The following LAMB4 variants were observed in gnomAD, a reference collection of about 807,000 sequenced individuals.
The protein encoded by LAMB4 is laminin subunit beta-4.
Under a neutral mutation model 199.2 loss-of-function variants are expected in LAMB4, and 196 were observed. That is an observed-to-expected ratio of 0.98 (90% CI 0.88 to 1.11). The LOEUF (loss-of-function observed/expected upper bound fraction) is 1.11. Among genes scored for constraint, LAMB4 ranks in the 50% least tolerant of loss-of-function variants. The pLI is 0.00. For missense variants in LAMB4, 2,080 were observed against 2,171.2 expected (o/e 0.96, Z 0.83); for synonymous variants, 744 against 770.6 (o/e 0.97, Z 0.57).
chr7:108,109,147 G>T (rs1315211817), intron 5 of LAMB4, 24 bp downstream of exon 5: 6 of 1,538,250 alleles, frequency 3.9e-6, no homozygotes, highest in Non-Finnish European at 5.4e-6. Flanking sequence ...ATAAAAGAGG[G>T]GCAGCAGGCC....
At chr7:108,017,158 C>T in the LAMB4 span, among the ~76,000 whole-genome samples, 2 of 152,204 alleles carry the variant, frequency 1.3e-5, no homozygotes. Context: ...CTTTGTATCA[C>T]TGAAAGCTCG....
chr7:108,042,310 G>A (rs2035447275), intron 29 of LAMB4, among the ~76,000 whole-genome samples: 1 of 151,960 alleles, frequency 6.6e-6, no homozygotes, highest in Non-Finnish European at 1.5e-5. Context: ...TCTGGACATA[G>A]ATTTCTTTCA....
chr7:108,074,982 G>T (rs2150570239), intron 17 of LAMB4, among the ~76,000 whole-genome samples: 1 of 152,200 alleles, frequency 6.6e-6, no homozygotes, highest in Non-Finnish European at 1.5e-5. Flanking sequence ...ATAAATTTGG[G>T]TTTCCTGATT....
intron 28 of LAMB4, among the ~76,000 whole-genome samples, chr7:108,045,561 C>T (rs1198272151): frequency 6.6e-6 from 1 of 152,248 alleles, no homozygotes; most frequent in Non-Finnish European, 1.5e-5. Context: ...GATAGCTTAA[C>T]ATATTATTGA....
chr7:108,029,364 G>T (rs768017977), intron 32 of LAMB4, among the ~76,000 whole-genome samples, 168 bp from the exon 33 acceptor site: 1 of 152,038 alleles, frequency 6.6e-6, no homozygotes, highest in Non-Finnish European at 1.5e-5. Context: ...TTGCATGTTT[G>T]TTTTTTCAGA....
chr7:108,070,021 T>G (rs1347640238), intron 17 of LAMB4, 136 bp from the exon 18 acceptor site: 2 of 488,662 alleles, frequency 4.1e-6, no homozygotes, highest in Non-Finnish European at 6.8e-6. Flanking sequence ...TGGTTAAGAC[T>G]GAAGACTTTA....
Position 108,103,211 on chromosome 7 carries a change from G to A in LAMB4, c.1013C>T (p.Ser338Phe). Residue 338 changes from serine to phenylalanine, a missense_variant, in exon 10 of 34, where the codon TCC (serine) becomes TTC (phenylalanine). Physicochemically the swap from Ser to Phe is radical, Grantham distance 155. Transcript: ENST00000388781. ...AGTCATGTCAAAGTGACAGCGGCTG[G>A]AGTGGCTATTACAGCTGCACGCTGA... ...ACRSCSCNSH[S>F]SRCHFDMTTY... is the part of the protein sequence containing the mutation. 6.4e-7 allele frequency: 1 copy of A among 1,571,350 alleles called. No individual in the cohort carries two copies. Among genetic ancestry groups the A allele is most frequent in the Non-Finnish European group, 8.6e-7 (1 of 1,157,420 alleles).
At chr7:108,047,318 C>T (rs374134254) in intron 28 of LAMB4, among the ~76,000 whole-genome samples, 17 of 152,020 alleles carry the variant, frequency 1.1e-4, no homozygotes, top group African/African-American at 3.6e-4. Context: ...CTTCCACCTC[C>T]TCCACCCCTG....
intron 18 of LAMB4, among the ~76,000 whole-genome samples, chr7:108,069,102 G>A (rs1296819738): frequency 2.0e-5 from 3 of 152,148 alleles, no homozygotes; most frequent in African/African-American, 7.2e-5. Flanking sequence ...AGGAAGCCTC[G>A]GCTGTCATTG....
intron 2 of LAMB4, among the ~76,000 whole-genome samples, chr7:108,120,632 T>C (rs2038565466): frequency 6.6e-6 from 1 of 152,262 alleles, no homozygotes; most frequent in African/African-American, 2.4e-5. Context: ...GTTTGTTTGC[T>C]TGTTTTCCGG....
the LAMB4 span, among the ~76,000 whole-genome samples, chr7:108,016,492 C>A: frequency 2.6e-5 from 4 of 152,220 alleles, no homozygotes; most frequent in African/African-American, 9.6e-5. Context: ...CCATATCGGC[C>A]AGGTTGGTCT....
chr7:108,030,722 T>A (rs941693224), intron 32 of LAMB4, 84 bp downstream of exon 32: 1 of 1,305,590 alleles, frequency 7.7e-7, no homozygotes, highest in South Asian at 1.3e-5. Flanking sequence ...TGATGAGAAA[T>A]GGCACAAAAA....
intron 24 of LAMB4, among the ~76,000 whole-genome samples, chr7:108,056,434 C>A (rs915200042): frequency 3.9e-5 from 6 of 152,162 alleles, no homozygotes; most frequent in Non-Finnish European, 7.3e-5. Flanking sequence ...GGTGTGATGA[C>A]CACGCTGTCT....
At chr7:108,119,780 A>C (rs192868908) in intron 2 of LAMB4, among the ~76,000 whole-genome samples, 103 of 152,280 alleles carry the variant, frequency 6.8e-4, no homozygotes, top group Non-Finnish European at 1.0e-3. Flanking sequence ...AACTGGTGAA[A>C]TCTGAATAAG....
chr7:108,013,921 T>C, the LAMB4 span, among the ~76,000 whole-genome samples: 1 of 152,160 alleles, frequency 6.6e-6, no homozygotes, highest in South Asian at 2.1e-4. Flanking sequence ...TGTGTGGTTG[T>C]AGGTGGGGAG....
intron 6 of LAMB4, among the ~76,000 whole-genome samples, chr7:108,106,930 C>A (rs946166153): frequency 2.0e-4 from 31 of 152,158 alleles, no homozygotes; most frequent in Admixed American, 2.0e-3. Flanking sequence ...TGCTTCCCAG[C>A]TGGCATAGAA....
In LAMB4 at chr7:108,092,384, A is replaced by G; in HGVS notation, c.1503T>C (p.His501=). ...TATCACAGTCACAGGGAGAACACCC[A>G]TGGAGATGATTTCCCAGGCCCCAGT... ...VGYWGLGNHL[H]GCSPCDCDIG... is the part of the protein sequence containing the mutation. The change falls in exon 13 of 34, where the codon CAT becomes CAC. Residue 501 remains histidine, a synonymous_variant. Coordinates refer to ENST00000388781, the MANE Select transcript of LAMB4 (RefSeq NM_007356.3). 2 of 1,614,082 alleles carry G rather than the reference A, an allele frequency of 1.2e-6. No individual in the cohort carries two copies. Among genetic ancestry groups the G allele is most frequent in the Non-Finnish European group, 1.7e-6 (2 of 1,179,912 alleles).
At chr7:108,062,154 A>C (rs531145041) in intron 23 of LAMB4, among the ~76,000 whole-genome samples, 1 of 152,220 alleles carries the variant, frequency 6.6e-6, no homozygotes, top group Non-Finnish European at 1.5e-5. Flanking sequence ...CCCACAAGTA[A>C]TGTTATCCTC....
chr7:108,062,116 A>G (rs1426962011), intron 23 of LAMB4, among the ~76,000 whole-genome samples: 1 of 152,252 alleles, frequency 6.6e-6, no homozygotes, highest in East Asian at 1.9e-4. Context: ...CAAAAAAACT[A>G]AGCATGTTAT....
Sources: allele counts gnomAD v4.1 joint callset (sites outside exome capture counted in the v4.1 genomes callset), GRCh38; gene constraint gnomAD v4.1.1; transcripts MANE v1.5; gene names NCBI Gene and HGNC (gene_info 2026-07-23, HGNC 2026-07-21).